Variants in TMOD1 observed in about 807,000 individuals in gnomAD.
TMOD1 encodes tropomodulin 1.
Under a neutral mutation model 40.6 loss-of-function variants are expected in TMOD1, and 17 were observed. That is an observed-to-expected ratio of 0.42 (90% CI 0.29 to 0.63). The LOEUF (loss-of-function observed/expected upper bound fraction) is 0.63. Ranked by LOEUF, TMOD1 falls within the 20% of genes least tolerant of loss-of-function variation. The pLI is 0.22. For synonymous variants in TMOD1, 181 were observed against 175.0 expected (o/e 1.03, Z -0.27); for missense variants, 391 against 447.6 (o/e 0.87, Z 1.14).
At chr9:97,577,992 A>G (rs1825650563) in intron 8 of TMOD1, among the ~76,000 whole-genome samples, 1 of 152,126 alleles carries the variant, frequency 6.6e-6, no homozygotes, top group Admixed American at 6.6e-5. Context: ...TCTTCTATAA[A>G]ATGAATGAGT....
At chr9:97,580,335 A>C (rs970133278) in intron 8 of TMOD1, among the ~76,000 whole-genome samples, 1 of 152,198 alleles carries the variant, frequency 6.6e-6, no homozygotes, top group African/African-American at 2.4e-5. Flanking sequence ...AGCCGAGTGC[A>C]GTGGCTCACA....
At chr9:97,589,133 A>G (rs77948799) in intron 8 of TMOD1, among the ~76,000 whole-genome samples, 21,926 of 148,210 alleles carry the variant, frequency 0.15, 1,916 homozygotes, top group East Asian at 0.33. Context: ...AAAAAAAAAA[A>G]AAGAAGAAGA....
At chr9:97,536,968 T>G (rs981813978) in intron 2 of TMOD1, among the ~76,000 whole-genome samples, 1 of 152,256 alleles carries the variant, frequency 6.6e-6, no homozygotes, top group Admixed American at 6.5e-5. Flanking sequence ...CATGGTTTTA[T>G]GCATGGTGAG....
chr9:97,555,285 G>T, intron 4 of TMOD1: 1 of 910,980 alleles, frequency 1.1e-6, no homozygotes, highest in Non-Finnish European at 1.4e-6. Flanking sequence ...GTGAGGCAGG[G>T]AGGTGGCTGA....
chr9:97,531,088 T>C (rs2131229815), intron 2 of TMOD1, among the ~76,000 whole-genome samples: 1 of 137,406 alleles, frequency 7.3e-6, no homozygotes, highest in South Asian at 2.3e-4. Context: ...ACAGATGTGA[T>C]CCACTGCACC....
At chr9:97,549,163 A>G (rs886081583) in intron 3 of TMOD1, among the ~76,000 whole-genome samples, 1 of 152,184 alleles carries the variant, frequency 6.6e-6, no homozygotes, top group African/African-American at 2.4e-5. Context: ...TGCTGGGGGG[A>G]TAAATAAAAG....
intron 1 of TMOD1, among the ~76,000 whole-genome samples, chr9:97,521,067 T>C (rs1013663894): frequency 6.6e-6 from 1 of 152,214 alleles, no homozygotes; most frequent in African/African-American, 2.4e-5. Context: ...CCAACCTGTC[T>C]GATGTTCCCC....
At chr9:97,554,512 A>G (rs983065777) in intron 4 of TMOD1, among the ~76,000 whole-genome samples, 3 of 151,996 alleles carry the variant, frequency 2.0e-5, no homozygotes, top group Non-Finnish European at 2.9e-5. Flanking sequence ...CTCCAGAAAG[A>G]ATACATGGCC....
intron 8 of TMOD1, among the ~76,000 whole-genome samples, chr9:97,590,378 C>T (rs1021581220): frequency 1.3e-5 from 2 of 151,946 alleles, no homozygotes; most frequent in Non-Finnish European, 2.9e-5. Context: ...TGCCCGCCAT[C>T]ACACCTGGCT....
At chr9:97,569,525 G>T (rs1830787653) in intron 8 of TMOD1, among the ~76,000 whole-genome samples, 1 of 152,128 alleles carries the variant, frequency 6.6e-6, no homozygotes, top group African/African-American at 2.4e-5. Flanking sequence ...TTACTCTCTA[G>T]GCAATTCTAG....
chr9:97,587,180 C>T (rs1489954844), intron 8 of TMOD1, among the ~76,000 whole-genome samples: 3 of 152,150 alleles, frequency 2.0e-5, no homozygotes, highest in Admixed American at 6.5e-5. Flanking sequence ...GGGTTGTTTC[C>T]AGGTTTGTCT....
chr9:97,504,582 A>G (rs1829560704), intron 1 of TMOD1, among the ~76,000 whole-genome samples: 1 of 152,172 alleles, frequency 6.6e-6, no homozygotes, highest in Non-Finnish European at 1.5e-5. Context: ...CAGACTCTGC[A>G]GGTGGCCTTC....
At chr9:97,580,738 A>G (rs1485148771) in intron 8 of TMOD1, among the ~76,000 whole-genome samples, 5 of 152,140 alleles carry the variant, frequency 3.3e-5, no homozygotes, top group African/African-American at 4.8e-5. Context: ...TAACATTTAT[A>G]AGGTCAAGAT....
intron 8 of TMOD1, among the ~76,000 whole-genome samples, chr9:97,575,731 C>T (rs1036305557): frequency 6.6e-6 from 1 of 152,140 alleles, no homozygotes; most frequent in Non-Finnish European, 1.5e-5. Context: ...AGAAAGGGAG[C>T]CTCAGAGCCA....
At chr9:97,562,627 C>A (rs1563991606) in intron 4 of TMOD1, 105 bp from the exon 5 acceptor site, 3 of 733,320 alleles carry the variant, frequency 4.1e-6, no homozygotes, top group Non-Finnish European at 6.5e-6. Context: ...GCAAGTGTTT[C>A]TTGCCATTTC....
At chr9:97,542,980 T>C (rs1217694850) in intron 2 of TMOD1, among the ~76,000 whole-genome samples, 3 of 152,084 alleles carry the variant, frequency 2.0e-5, no homozygotes, top group Non-Finnish European at 4.4e-5. Context: ...CTAAACAATC[T>C]CCAGTGGGTA....
intron 8 of TMOD1, among the ~76,000 whole-genome samples, chr9:97,569,634 G>T (rs1830789079): frequency 6.6e-6 from 1 of 152,166 alleles, no homozygotes; most frequent in African/African-American, 2.4e-5. Context: ...TTTCTAAGAG[G>T]ATGCTAATAA....
chr9:97,580,669 T>A (rs2131281490), intron 8 of TMOD1, among the ~76,000 whole-genome samples: 1 of 152,086 alleles, frequency 6.6e-6, no homozygotes, highest in East Asian at 1.9e-4. Context: ...AACAGAGAGA[T>A]CCCTTGTACT....
chr9:97,544,748 C>T (rs1043099187), intron 2 of TMOD1, among the ~76,000 whole-genome samples: 28 of 151,942 alleles, frequency 1.8e-4, no homozygotes, highest in South Asian at 4.1e-4. Context: ...GGGCTGGGAA[C>T]GGTAATCCCA....
Sources: gnomAD v4.1 joint callset for allele counts (sites outside exome capture counted in the v4.1 genomes callset) on GRCh38, gnomAD v4.1.1 for gene constraint, MANE v1.5 for transcripts, NCBI Gene and HGNC (gene_info 2026-07-23, HGNC 2026-07-21) for gene names.